The following BACH2 variants were observed in gnomAD, a reference collection of about 807,000 sequenced individuals.
The protein encoded by BACH2 is transcription regulator protein BACH2.
A neutral mutation model predicts 61.8 loss-of-function variants in BACH2; 5 were observed. The ratio of observed to expected loss-of-function variants is 0.08; its 90% confidence interval spans 0.04 to 0.17. The LOEUF is 0.17. Among genes scored for constraint, BACH2 ranks in the 10% least tolerant of loss-of-function variants. BACH2 has a pLI of 1.00. For synonymous variants in BACH2, 446 were observed against 440.1 expected (o/e 1.01, Z -0.17); for missense variants, 824 against 1,091.1 (o/e 0.76, Z 3.45).
At chr6:90,022,854 A>C (rs1778449143) in intron 5 of BACH2, among the ~76,000 whole-genome samples, 1 of 152,232 alleles carries the variant, frequency 6.6e-6, no homozygotes, top group Non-Finnish European at 1.5e-5. Context: ...TGACCGAATA[A>C]TTCCATGCCT....
chr6:89,994,823 T>C (rs1342629240), intron 6 of BACH2, among the ~76,000 whole-genome samples: 4 of 152,186 alleles, frequency 2.6e-5, no homozygotes, highest in African/African-American at 9.6e-5. Context: ...AATTAGAAAA[T>C]GCACACAAAG....
At chr6:90,000,444 T>C (rs559151703) in intron 6 of BACH2, among the ~76,000 whole-genome samples, 24 of 152,220 alleles carry the variant, frequency 1.6e-4, no homozygotes, top group African/African-American at 2.9e-4. Flanking sequence ...ACTTGGAAAA[T>C]TGCACCACAG....
At chr6:89,949,638 A>G (rs1446789883) in intron 7 of BACH2, among the ~76,000 whole-genome samples, 2 of 152,066 alleles carry the variant, frequency 1.3e-5, no homozygotes, top group Non-Finnish European at 2.9e-5. Flanking sequence ...ATGTCTTCCT[A>G]GCATTTGAGG....
chr6:90,143,856 T>A (rs972367574), intron 4 of BACH2, among the ~76,000 whole-genome samples: 3 of 152,168 alleles, frequency 2.0e-5, no homozygotes, highest in Middle Eastern at 3.2e-3. Context: ...ATGAAACTCC[T>A]GCCCCGACCC....
At chr6:90,083,381 T>A (rs9294457) in intron 5 of BACH2, among the ~76,000 whole-genome samples, 51,840 of 152,034 alleles carry the variant, frequency 0.34, 9,910 homozygotes, top group East Asian at 0.82. Flanking sequence ...ATATTAATGT[T>A]TACAACCATG....
intron 4 of BACH2, among the ~76,000 whole-genome samples, chr6:90,143,867 T>A (rs953992356): frequency 6.6e-6 from 1 of 152,164 alleles, no homozygotes; most frequent in African/African-American, 2.4e-5. Context: ...GCCCCGACCC[T>A]GCTCAACACT....
chr6:89,982,789 G>A (rs1489451943), intron 6 of BACH2, among the ~76,000 whole-genome samples: 1 of 152,140 alleles, frequency 6.6e-6, no homozygotes, highest in Non-Finnish European at 1.5e-5. Flanking sequence ...ACTTAATCAA[G>A]GTTACAGAGC....
At chr6:90,022,574 A>C (rs1582213463) in intron 5 of BACH2, among the ~76,000 whole-genome samples, 1 of 152,172 alleles carries the variant, frequency 6.6e-6, no homozygotes, top group Non-Finnish European at 1.5e-5. Flanking sequence ...ACAGAGCAAG[A>C]CTCCGTTTCA....
At chr6:90,146,498 A>G (rs112268178) in intron 4 of BACH2, among the ~76,000 whole-genome samples, 2,315 of 152,340 alleles carry the variant, frequency 0.015, 69 homozygotes, top group African/African-American at 0.054. Flanking sequence ...AATGAAATAT[A>G]AAATCAGAAG....
intron 7 of BACH2, among the ~76,000 whole-genome samples, chr6:89,946,330 G>A (rs1773719738): frequency 6.6e-6 from 1 of 152,200 alleles, no homozygotes; most frequent in South Asian, 2.1e-4. Flanking sequence ...GTGACAACTA[G>A]TATGGGCAAG....
intron 3 of BACH2, among the ~76,000 whole-genome samples, chr6:90,224,095 A>G (rs1369580103): frequency 6.6e-6 from 1 of 152,246 alleles, no homozygotes; most frequent in Non-Finnish European, 1.5e-5. Flanking sequence ...ATTGGAAATT[A>G]TAACAGTTCT....
chr6:89,968,479 G>A (rs115550443), intron 6 of BACH2, among the ~76,000 whole-genome samples: 204 of 152,328 alleles, frequency 1.3e-3, no homozygotes, highest in African/African-American at 4.5e-3. Flanking sequence ...AACATTACAT[G>A]TTTAGAAAGA....
chr6:90,052,406 T>A (rs1431658815), intron 5 of BACH2, among the ~76,000 whole-genome samples: 1 of 151,954 alleles, frequency 6.6e-6, no homozygotes, highest in Non-Finnish European at 1.5e-5. Flanking sequence ...TGCCTTAAAG[T>A]CTTTTATCTA....
chr6:90,188,651 A>G (rs923721690), intron 4 of BACH2, among the ~76,000 whole-genome samples: 3 of 151,898 alleles, frequency 2.0e-5, no homozygotes, highest in Non-Finnish European at 2.9e-5. Context: ...GAATAAAATA[A>G]TATAGCTAAT....
chr6:90,076,673 G>A (rs940073308), intron 5 of BACH2, among the ~76,000 whole-genome samples: 2 of 152,038 alleles, frequency 1.3e-5, no homozygotes, highest in African/African-American at 4.8e-5. Context: ...GAATTCCCTC[G>A]GTACCCTGTG....
In BACH2 at chr6:90,252,206, C is replaced by T. The variant is rs570683114; in HGVS notation, c.-275+307G>A. Among the ~76,000 whole-genome samples, 6 of 152,260 alleles carry T rather than the reference C, an allele frequency of 3.9e-5. 1 individual carries two copies. The highest frequency in any genetic ancestry group is 3.9e-4 in the Admixed American group (6 of 15,304). Reference sequence around the variant, plus strand: ...CTTTTTAGCAATACAAAGATTCACACAACTTGGTGACAGACAGCTTTTCCC... The same window carrying T: ...CTTTTTAGCAATACAAAGATTCACATAACTTGGTGACAGACAGCTTTTCCC... On this transcript the variant is annotated intron_variant, in intron 3 of 8. Transcript: ENST00000257749.
Position 89,951,119 on chromosome 6 carries a change from C to T in BACH2, c.987G>A (p.Leu329=). The change falls in exon 7 of 9, where the codon CTG becomes CTA. Residue 329 remains leucine (L), a synonymous_variant. Coordinates refer to ENST00000257749, the MANE Select transcript of BACH2 (RefSeq NM_021813.4). The surrounding 1 kb of genome is among the most constrained non-coding windows in gnomAD (Gnocchi z 6.4). ...GCGAGGCCACGCTCCTGGATCTCTC[C>T]AGGCAGGCGGCCCCAGCTGGGGCCG... The part of the protein sequence containing the change: ...TPTAPAGAAC[L]ERSRSVASPS... 1 of 1,611,968 alleles carries T rather than the reference C, an allele frequency of 6.2e-7. No homozygotes were observed. The highest frequency in any genetic ancestry group is 8.5e-7 in the Non-Finnish European group (1 of 1,179,180).
At chr6:90,013,934 A>G (rs1342375756) in intron 5 of BACH2, among the ~76,000 whole-genome samples, 1 of 151,922 alleles carries the variant, frequency 6.6e-6, no homozygotes, top group African/African-American at 2.4e-5. Flanking sequence ...GTGCACCACC[A>G]TACCTGGCTA....
intron 3 of BACH2, among the ~76,000 whole-genome samples, chr6:90,213,141 A>T (rs773379933): frequency 2.6e-5 from 4 of 152,178 alleles, no homozygotes; most frequent in Non-Finnish European, 4.4e-5. Flanking sequence ...TGCAAGGGTC[A>T]AGAAAGAATG....
Sources: allele counts gnomAD v4.1 joint callset (sites outside exome capture counted in the v4.1 genomes callset), GRCh38; gene constraint gnomAD v4.1.1; non-coding constraint Gnocchi (gnomAD v3.1); transcripts MANE v1.5; gene names NCBI Gene and HGNC (gene_info 2026-07-23, HGNC 2026-07-21).